The following RAPGEF5 variants were observed in gnomAD, a reference collection of about 807,000 sequenced individuals.
RAPGEF5 encodes M-Ras-regulated GEF.
A neutral mutation model predicts 125.2 loss-of-function variants in RAPGEF5; 65 were observed. The ratio of observed to expected loss-of-function variants is 0.52; its 90% CI spans 0.43 to 0.64. The LOEUF is 0.64. Ranked by LOEUF, RAPGEF5 falls within the 30% of genes least tolerant of loss-of-function variation. RAPGEF5 has a pLI of 0.00. For missense variants in RAPGEF5, 958 were observed against 1,048.1 expected (o/e 0.91, Z 1.19); for synonymous variants, 391 against 385.9 (o/e 1.01, Z -0.16).
intron 4 of RAPGEF5, 122 bp from the exon 5 acceptor site, chr7:22,308,629 T>C: frequency 1.3e-6 from 1 of 799,268 alleles, no homozygotes; most frequent in Admixed American, 3.3e-5. Context: ...ACTATAATTA[T>C]ACATTCTAAG....
rs571129627 is a variant in RAPGEF5 at position 22,355,641 on chromosome 7, ATCT to A, written c.231+1186_231+1188del. Reference sequence around the variant, plus strand: ...ATCACACACAGAGAATCCTCAGAACATCTTCTGAGATGGACCTGGGATGGACCA... The same window carrying A: ...ATCACACACAGAGAATCCTCAGAACATCTGAGATGGACCTGGGATGGACCA... On this transcript the variant is annotated intron_variant, in intron 1 of 25. Transcript: ENST00000665637. 3.5e-3 allele frequency among the ~76,000 whole-genome samples: 531 copies of A among 152,280 alleles called. 2 individuals carry two copies. Among genetic ancestry groups the A allele is most frequent in the South Asian group, 6.6e-3 (32 of 4,820 alleles).
intron 8 of RAPGEF5, among the ~76,000 whole-genome samples, chr7:22,221,387 G>A (rs918852553): frequency 2.0e-5 from 3 of 152,140 alleles, no homozygotes; most frequent in Non-Finnish European, 4.4e-5. Flanking sequence ...TGGAAACTAG[G>A]CCTATTCTTT....
At chr7:22,181,041 C>T (rs1207367298) in intron 11 of RAPGEF5, among the ~76,000 whole-genome samples, 1 of 152,198 alleles carries the variant, frequency 6.6e-6, no homozygotes, top group African/African-American at 2.4e-5. Context: ...CCTTCAAATA[C>T]AGATCAAACT....
chr7:22,123,991 C>T (rs1452485251), intron 25 of RAPGEF5, among the ~76,000 whole-genome samples: 11 of 152,236 alleles, frequency 7.2e-5, no homozygotes, highest in South Asian at 4.1e-4. Context: ...AAAATGAATT[C>T]GGATAATTCA....
At chr7:22,211,507 T>C (rs2128130538) in intron 9 of RAPGEF5, among the ~76,000 whole-genome samples, 1 of 152,298 alleles carries the variant, frequency 6.6e-6, no homozygotes, top group South Asian at 2.1e-4. Context: ...AAATTAGAAG[T>C]GAACTATCAC....
chr7:22,193,188 A>T, intron 11 of RAPGEF5, 179 bp downstream of exon 11: 1 of 655,340 alleles, frequency 1.5e-6, no homozygotes. Context: ...CTTGGGATCT[A>T]CATGTGTCCA....
chr7:22,126,174 G>C (rs1782739019), intron 24 of RAPGEF5, among the ~76,000 whole-genome samples: 2 of 152,082 alleles, frequency 1.3e-5, no homozygotes, highest in South Asian at 4.2e-4. Flanking sequence ...AAAAACAGTA[G>C]CACCCAATCC....
At chr7:22,195,234 A>G (rs1352008923) in intron 9 of RAPGEF5, among the ~76,000 whole-genome samples, 4 of 152,184 alleles carry the variant, frequency 2.6e-5, no homozygotes, top group Non-Finnish European at 4.4e-5. Context: ...TTGGTTCTAC[A>G]GGCTAATCAG....
At chr7:22,256,776 A>G (rs1786772070) in intron 7 of RAPGEF5, among the ~76,000 whole-genome samples, 1 of 152,212 alleles carries the variant, frequency 6.6e-6, no homozygotes, top group Non-Finnish European at 1.5e-5. Flanking sequence ...ATCTCCCAAG[A>G]CACTAATGAG....
chr7:22,199,137 T>C (rs572747088), intron 9 of RAPGEF5, among the ~76,000 whole-genome samples: 1 of 152,210 alleles, frequency 6.6e-6, no homozygotes, highest in South Asian at 2.1e-4. Flanking sequence ...ATGGCCTGTC[T>C]GGTTTGGGAA....
At chr7:22,339,075 G>A (rs1200390405) in intron 1 of RAPGEF5, among the ~76,000 whole-genome samples, 2 of 152,162 alleles carry the variant, frequency 1.3e-5, no homozygotes, top group African/African-American at 4.8e-5. Context: ...AGTTTAACTG[G>A]TGTATGACCT....
intron 5 of RAPGEF5, among the ~76,000 whole-genome samples, chr7:22,307,166 G>C (rs142733850): frequency 2.9e-4 from 44 of 152,206 alleles, no homozygotes; most frequent in African/African-American, 1.0e-3. Flanking sequence ...TAACAACATT[G>C]ATTATTCTAA....
At chr7:22,333,281 G>T (rs1249264224) in intron 1 of RAPGEF5, among the ~76,000 whole-genome samples, 3 of 152,138 alleles carry the variant, frequency 2.0e-5, no homozygotes, top group Non-Finnish European at 4.4e-5. Context: ...GGGGTCAGGG[G>T]GAGGAGGTGA....
intron 1 of RAPGEF5, among the ~76,000 whole-genome samples, chr7:22,348,920 C>G (rs1016718110): frequency 1.1e-4 from 16 of 151,650 alleles, no homozygotes; most frequent in Non-Finnish European, 2.4e-4. Context: ...AACCCCATCT[C>G]TACTAAAAAT....
Position 22,333,897 on chromosome 7 carries a change from C to T in RAPGEF5, c.232-15860G>A, listed in dbSNP as rs532442128. ...AGATGGACAGAGGGGAGCCAGGGCA[C>T]GGCATGGCTTGACATGGCTCGTGCT... On this transcript the variant is annotated intron_variant, in intron 1 of 25. Coordinates refer to ENST00000665637, the MANE Select transcript of RAPGEF5 (RefSeq NM_012294.5). Among the ~76,000 whole-genome samples the T allele has an allele frequency of 8.5e-5, 13 of 152,360 alleles. No homozygotes were observed. The East Asian group carries it at 1.2e-3, about 14-fold the overall frequency.
chr7:22,128,454 T>A lies in RAPGEF5; in HGVS notation c.2481+2583A>T, dbSNP rs374939407. 2.0e-5 allele frequency among the ~76,000 whole-genome samples: 3 copies of A among 152,210 alleles called. No homozygotes were observed. In the East Asian group the frequency reaches 5.8e-4, roughly 29 times the overall value. ...AGCTGGCTTAAGTTAATATCCATCA[T>A]GAGGAATTGACTTTTCACAAGTTAA... On this transcript the variant is annotated intron_variant, in intron 24 of 25. Coordinates refer to ENST00000665637, the MANE Select transcript of RAPGEF5 (RefSeq NM_012294.5).
intron 8 of RAPGEF5, among the ~76,000 whole-genome samples, chr7:22,220,816 T>TA (rs1785768050): frequency 6.6e-6 from 1 of 152,152 alleles, no homozygotes; most frequent in South Asian, 2.1e-4. Flanking sequence ...CATGATCTAA[T>TA]AAAGAAATCC....
At chr7:22,338,017 C>T (rs1522279) in intron 1 of RAPGEF5, among the ~76,000 whole-genome samples, 71,119 of 152,062 alleles carry the variant, frequency 0.47, 16,862 homozygotes, top group Non-Finnish European at 0.5. Flanking sequence ...CAAGTTTAAT[C>T]TTTTGAGATC....
At chr7:22,154,737 A>T in intron 16 of RAPGEF5, 133 bp from the exon 17 acceptor site, 1 of 917,638 alleles carries the variant, frequency 1.1e-6, no homozygotes, top group South Asian at 2.2e-5. Flanking sequence ...TAACACATAC[A>T]GAGTTAGATT....
Sources: gnomAD v4.1 joint callset for allele counts (sites outside exome capture counted in the v4.1 genomes callset) on GRCh38, gnomAD v4.1.1 for gene constraint, MANE v1.5 for transcripts, NCBI Gene and HGNC (gene_info 2026-07-23, HGNC 2026-07-21) for gene names.